POMZP3: variants seen among roughly 807,000 people sequenced by gnomAD.
POMZP3 encodes POM121 and ZP3 fusion protein.
POMZP3 carries 10 observed loss-of-function variants against 19.8 expected under a neutral mutation model. That is an observed-to-expected ratio of 0.51 (90% CI 0.31 to 0.86). The LOEUF (loss-of-function observed/expected upper bound fraction) is 0.86. POMZP3 is among the 40% of genes least tolerant of loss of function. The pLI is 0.04. For synonymous variants in POMZP3, 57 were observed against 85.8 expected, an observed-to-expected ratio of 0.66 and a Z score of 1.85; for missense variants, 152 against 228.1, an observed-to-expected ratio of 0.67 and a Z score of 2.15.
intron 6 of POMZP3, among the ~76,000 whole-genome samples, chr7:76,610,931 A>T (rs1030706615): frequency 7.0e-6 from 1 of 143,100 alleles, no homozygotes; most frequent in Non-Finnish European, 1.5e-5. Flanking sequence ...CTGGAGTACA[A>T]TGGTGCAATC....
chr7:76,625,849 C>T (rs959211826), intron 2 of POMZP3, 151 bp downstream of exon 2: 10 of 1,358,926 alleles, frequency 7.4e-6, no homozygotes, highest in Admixed American at 4.8e-5. Flanking sequence ...AAGTGAAAAA[C>T]AAACGGTTTT....
intron 3 of POMZP3, among the ~76,000 whole-genome samples, chr7:76,619,052 T>G (rs1054392570): frequency 5.3e-5 from 8 of 152,230 alleles, no homozygotes; most frequent in African/African-American, 1.9e-4. Context: ...CCTCCTAAAG[T>G]GCTGAGATTA....
At chr7:76,611,075 T>C (rs963824800) in intron 6 of POMZP3, among the ~76,000 whole-genome samples, 9 of 143,386 alleles carry the variant, frequency 6.3e-5, no homozygotes, top group African/African-American at 2.4e-4. Context: ...GGTTTCTCCA[T>C]GTTGGTCAGG....
Position 76,626,733 on chromosome 7 carries a change from G to C in POMZP3, c.-177C>G. 7.2e-7 allele frequency: 1 copy of C among 1,385,276 alleles called. No individual in the cohort carries two copies. Among genetic ancestry groups the C allele is most frequent in the East Asian group, 2.8e-5 (1 of 35,170 alleles). 85.8% of individuals were successfully genotyped at this position (1,385,276 alleles called of 1,614,324 possible). ...CGTGGGGAAGGCCTCCCGGAGGGTC[G>C]GAGAAGAGGAGTGGGGAGAGAGGGG... is the stretch of plus-strand genomic sequence containing the variant. On this transcript the variant is annotated 5_prime_UTR_variant, in exon 1 of 7. Coordinates refer to ENST00000310842, the MANE Select transcript of POMZP3 (RefSeq NM_012230.5).
rs1815874345 is a variant in POMZP3 at position 76,626,088 on chromosome 7, C to A, written c.-24G>T. The A allele has an allele frequency of 6.2e-7, 1 of 1,613,710 alleles. No homozygotes were observed. The highest frequency in any genetic ancestry group is 8.5e-7 in the Non-Finnish European group (1 of 1,179,766). ...ATCCTGGAGTTGCGAGGGGACAGCA[C>A]AGCCTTCTTGTGATAACCATTCCAG... On this transcript the variant is annotated 5_prime_UTR_variant, in exon 2 of 7. Transcript: ENST00000310842.
In POMZP3 at chr7:76,610,066, C is replaced by CAG; in HGVS notation, c.*159_*160dup. 1.7e-6 allele frequency: 2 copies of CAG among 1,196,100 alleles called. No homozygotes were observed. Among genetic ancestry groups the CAG allele is most frequent in the Non-Finnish European group, 2.4e-6 (2 of 819,200 alleles). The allele number at this position is 1,196,100 out of a possible 1,614,324, so 74.1% of individuals were successfully genotyped here. A position where few individuals can be genotyped will look rare whatever the true frequency, so the allele number is the denominator to read the frequency against. On this transcript the variant is annotated 3_prime_UTR_variant, in exon 7 of 7. Transcript: ENST00000310842. ...CTCCTGGTGAGAACCAGGATAACAG[C>CAG]AGTCAGAGTCAGGGACACCACCACA...
rs1021388310 is a variant in POMZP3, at chr7:76,614,553, T to C, written c.346-2740A>G. On this transcript the variant is annotated intron_variant, in intron 4 of 6. Transcript: ENST00000310842. Reference sequence around the variant, plus strand: ...CTAGCCTGGGCAACAAGAGTGACACTCCATTTCCCCCAAAAAAAAAAAAAA... The same window carrying C: ...CTAGCCTGGGCAACAAGAGTGACACCCCATTTCCCCCAAAAAAAAAAAAAA... 1.8e-4 allele frequency among the ~76,000 whole-genome samples: 9 copies of C among 50,498 alleles called. 2 individuals carry two copies. The highest frequency in any genetic ancestry group is 4.3e-4 in the East Asian group (1 of 2,340). 33.1% of individuals were successfully genotyped at this position (50,498 alleles called of 152,430 possible).
At chr7:76,614,678 A>C (rs1337363930) in intron 4 of POMZP3, among the ~76,000 whole-genome samples, 1 of 84,864 alleles carries the variant, frequency 1.2e-5, no homozygotes, top group African/African-American at 6.0e-5. Context: ...TGACCAACAT[A>C]GTGAAACCCC....
intron 3 of POMZP3, among the ~76,000 whole-genome samples, chr7:76,622,741 T>G (rs1195055364): frequency 6.6e-6 from 1 of 151,856 alleles, no homozygotes; most frequent in Non-Finnish European, 1.5e-5. Context: ...AGTGATATGA[T>G]CACGGCTCAC....
intron 3 of POMZP3, among the ~76,000 whole-genome samples, chr7:76,622,583 CTTG>C (rs1328529224): frequency 6.6e-6 from 1 of 151,544 alleles, no homozygotes; most frequent in Non-Finnish European, 1.5e-5. Context: ...CCAGGCTGGT[CTTG>C]AACTCCTGAC....
chr7:76,618,478 T>A, intron 3 of POMZP3, 178 bp from the exon 4 acceptor site: 1 of 899,120 alleles, frequency 1.1e-6, no homozygotes, highest in Non-Finnish European at 1.7e-6. Context: ...AAAAATTAGC[T>A]GGGTGCAGCA....
intron 3 of POMZP3, among the ~76,000 whole-genome samples, chr7:76,624,369 C>T (rs547613603): frequency 5.0e-4 from 76 of 151,600 alleles, no homozygotes; most frequent in African/African-American, 1.7e-3. Flanking sequence ...CTCAACATGG[C>T]GAAACCCACT....
intron 3 of POMZP3, among the ~76,000 whole-genome samples, chr7:76,623,509 AG>A (rs1815688014): frequency 6.8e-6 from 1 of 147,906 alleles, no homozygotes; most frequent in East Asian, 2.0e-4. Context: ...GTTCAAGAAA[AG>A]GGATCAAGCC....
chr7:76,620,158 CA>C (rs1815472807), intron 3 of POMZP3, among the ~76,000 whole-genome samples: 2 of 77,972 alleles, frequency 2.6e-5, no homozygotes, highest in Admixed American at 2.5e-4. Context: ...ACTAAAAATA[CA>C]AAAATAAAAT....
chr7:76,624,672 C>T (rs1239650558), intron 3 of POMZP3, among the ~76,000 whole-genome samples: 1 of 149,180 alleles, frequency 6.7e-6, no homozygotes, highest in Non-Finnish European at 1.5e-5. Context: ...TCTCGAACTC[C>T]TGACCTCAGG....
At position 76,627,022 on chromosome 7, in the gene POMZP3, G is replaced by C; in HGVS notation, c.-466C>G. On this transcript the variant is annotated 5_prime_UTR_variant, in exon 1 of 7. Transcript: ENST00000310842. Reference sequence around the variant, plus strand: ...AGCGAACAGTGTTCGCCGATGTCGCGCCTTCTGAACGAAGGAGGACAAGGG... The same window carrying C: ...AGCGAACAGTGTTCGCCGATGTCGCCCCTTCTGAACGAAGGAGGACAAGGG... 1.5e-6 allele frequency: 2 copies of C among 1,334,356 alleles called. No individual in the cohort carries two copies. Among genetic ancestry groups the C allele is most frequent in the Non-Finnish European group, 2.0e-6 (2 of 1,016,746 alleles). The allele number at this position is 1,334,356 out of a possible 1,614,324, so 82.7% of individuals were successfully genotyped here.
intron 3 of POMZP3, among the ~76,000 whole-genome samples, chr7:76,623,766 C>T (rs1341327969): frequency 6.6e-6 from 1 of 151,868 alleles, no homozygotes; most frequent in African/African-American, 2.4e-5. Context: ...GTGCCATTTA[C>T]ACTCCGGCAT....
chr7:76,625,450 C>T lies in POMZP3; in HGVS notation c.227+72G>A, dbSNP rs556766041. 255 of 1,598,568 alleles carry T rather than the reference C, an allele frequency of 1.6e-4. 2 individuals are homozygous for T. In the African/African-American group the frequency reaches 2.4e-3, roughly 15 times the overall value. Reference sequence around the variant, plus strand: ...ACTGGAGGTGGCCTCTGTATCTTTACGGGAATGTCTACATCTCATCCCATA... The same window carrying T: ...ACTGGAGGTGGCCTCTGTATCTTTATGGGAATGTCTACATCTCATCCCATA... On this transcript the variant is annotated intron_variant, in intron 3 of 6. Coordinates refer to ENST00000310842, the MANE Select transcript of POMZP3 (RefSeq NM_012230.5).
Position 76,625,581 on chromosome 7 carries a change from C to T in POMZP3, c.168G>A (p.Lys56=). ...GGTCTTCTTCCTCCACTGTCCTTTT[C>T]TTCTTCTTCTCTTTGAGGGCACTCA... The part of the protein sequence containing the change: ...TVLSALKEKK[K]KRTVEEEDQI... The change falls in exon 3 of 7, where the codon AAG becomes AAA. Residue 56 remains lysine, a synonymous_variant. Coordinates refer to ENST00000310842, the MANE Select transcript of POMZP3 (RefSeq NM_012230.5). 6.2e-7 allele frequency: 1 copy of T among 1,611,184 alleles called. No homozygotes were observed. The highest frequency in any genetic ancestry group is 8.5e-7 in the Non-Finnish European group (1 of 1,179,302).
Sources: allele counts gnomAD v4.1 joint callset (sites outside exome capture counted in the v4.1 genomes callset), GRCh38; gene constraint gnomAD v4.1.1; transcripts MANE v1.5; gene names NCBI Gene and HGNC (gene_info 2026-07-23, HGNC 2026-07-21).